FGD5: variants seen among roughly 807,000 people sequenced by gnomAD.
FGD5 encodes the protein FYVE, RhoGEF and PH domain-containing protein 5.
A neutral mutation model predicts 133.4 loss-of-function variants in FGD5; 28 were observed. That is an observed-to-expected ratio of 0.21 (90% CI 0.16 to 0.29). FGD5 has a LOEUF of 0.29. Among genes scored for constraint, FGD5 ranks in the 10% least tolerant of loss-of-function variants. The pLI, the probability that FGD5 is intolerant of heterozygous loss-of-function variation, is 1.00. For synonymous variants in FGD5, 810 were observed against 776.5 expected (o/e 1.04, Z -0.72); for missense variants, 1,858 against 1,895.2 (o/e 0.98, Z 0.36).
chr3:14,932,952 C>A (rs1260920125), intron 19 of FGD5, among the ~76,000 whole-genome samples, 179 bp from the exon 20 acceptor site: 1 of 152,136 alleles, frequency 6.6e-6, no homozygotes, highest in African/African-American at 2.4e-5. Flanking sequence ...TAAGCTTTTG[C>A]CCTGTGTTCC....
intron 2 of FGD5, among the ~76,000 whole-genome samples, chr3:14,880,366 T>C (rs971088439): frequency 2.0e-5 from 3 of 152,048 alleles, no homozygotes; most frequent in Non-Finnish European, 1.5e-5. Context: ...ATAAAATAAA[T>C]ACATTTTTAA....
intron 1 of FGD5, among the ~76,000 whole-genome samples, chr3:14,858,852 T>G (rs2037340762): frequency 6.6e-6 from 1 of 152,238 alleles, no homozygotes; most frequent in African/African-American, 2.4e-5. Flanking sequence ...GAGGTTAACA[T>G]GTATCTGTCA....
chr3:14,813,687 G>A (rs918103965), intron 1 of FGD5, among the ~76,000 whole-genome samples: 2 of 152,054 alleles, frequency 1.3e-5, no homozygotes, highest in Non-Finnish European at 2.9e-5. Context: ...TGGGGAAGCC[G>A]AGGCCCGAAA....
chr3:14,876,164 C>G (rs1316212253), intron 2 of FGD5, among the ~76,000 whole-genome samples: 3 of 152,132 alleles, frequency 2.0e-5, no homozygotes, highest in African/African-American at 7.2e-5. Flanking sequence ...ACTTGGGGAC[C>G]ATCCTGAGGG....
intron 18 of FGD5, 184 bp from the exon 19 acceptor site, chr3:14,932,389 GTTTC>G (rs2038913867): frequency 1.3e-5 from 8 of 605,808 alleles, no homozygotes; most frequent in Non-Finnish European, 1.9e-5. Flanking sequence ...AGCCAGTGTC[GTTTC>G]TTTCCTTCCT....
chr3:14,915,748 T>C (rs1450215120), intron 11 of FGD5, among the ~76,000 whole-genome samples: 1 of 152,196 alleles, frequency 6.6e-6, no homozygotes, highest in Non-Finnish European at 1.5e-5. Context: ...TGCACAGGGC[T>C]CTCCCTGGTT....
At chr3:14,912,539 G>GT (rs888969926) in intron 11 of FGD5, among the ~76,000 whole-genome samples, 17 of 151,988 alleles carry the variant, frequency 1.1e-4, no homozygotes, top group South Asian at 4.2e-4. Context: ...TCTCTAGGTC[G>GT]TTTTTTTTAA....
At chr3:14,898,862 G>A (rs1486244725) in intron 7 of FGD5, 36 bp downstream of exon 7, 1 of 1,541,418 alleles carries the variant, frequency 6.5e-7, no homozygotes, top group South Asian at 1.2e-5. Flanking sequence ...GACTGAGGCG[G>A]CAGGGCAGGG....
At position 14,922,587 on chromosome 3, in the gene FGD5, TG is replaced by T; in HGVS notation, c.3807+43del. The T allele has an allele frequency of 7.4e-7, 1 of 1,349,676 alleles. No homozygotes were observed. The allele number at this position is 1,349,676 out of a possible 1,614,324, so 83.6% of individuals were successfully genotyped here. On this transcript the variant is annotated intron_variant, in intron 15 of 19. Transcript: ENST00000285046. This position sits in a 1 kb window ranked among gnomAD's most constrained non-coding sequence, Gnocchi z 4.1. ...TCTGGGGTGAGTGTGTGCATGGGGG[TG>T]GGGTGGGGGAAGGGCATGTCCCTGC...
chr3:14,840,863 TC>T (rs1169417160), intron 1 of FGD5, among the ~76,000 whole-genome samples: 1 of 152,216 alleles, frequency 6.6e-6, no homozygotes, highest in Non-Finnish European at 1.5e-5. Flanking sequence ...GTGCACAAGA[TC>T]TCTTGCTTAT....
At chr3:14,908,619 G>A (rs1356895232) in intron 10 of FGD5, among the ~76,000 whole-genome samples, 1 of 152,090 alleles carries the variant, frequency 6.6e-6, no homozygotes, top group Non-Finnish European at 1.5e-5. Flanking sequence ...GGGTGTGGTG[G>A]CTCATGCCTG....
intron 4 of FGD5, among the ~76,000 whole-genome samples, chr3:14,895,447 T>C (rs2038118233): frequency 6.6e-6 from 1 of 152,210 alleles, no homozygotes; most frequent in Admixed American, 6.5e-5. Context: ...CCGAGCACCA[T>C]TTATGGAAGA....
At chr3:14,845,154 G>A (rs1279910152) in intron 1 of FGD5, among the ~76,000 whole-genome samples, 1 of 152,030 alleles carries the variant, frequency 6.6e-6, no homozygotes, top group Non-Finnish European at 1.5e-5. Flanking sequence ...TAAAAAAAAA[G>A]CCCTGATGCC....
rs117157349 is a variant in FGD5, at chr3:14,842,394, C to A, written c.2525+20798C>A. Among the ~76,000 whole-genome samples the A allele has an allele frequency of 1.6e-4, 25 of 152,312 alleles. No individual in the cohort carries two copies. In the East Asian group the frequency reaches 4.8e-3, roughly 29 times the overall value. ...GATCCCCACCCCTGTGCATCTCAGG[C>A]TTGGGAGGGTGCACACTCCCTTTCC... On this transcript the variant is annotated intron_variant, in intron 1 of 19. Transcript: ENST00000285046.
intron 18 of FGD5, among the ~76,000 whole-genome samples, chr3:14,928,755 T>C (rs569914419): frequency 2.1e-4 from 32 of 152,182 alleles, no homozygotes; most frequent in African/African-American, 7.7e-4. Flanking sequence ...AAAATAATAA[T>C]AATAATTTTA....
At chr3:14,906,371 G>A (rs1043196813) in intron 9 of FGD5, among the ~76,000 whole-genome samples, 5 of 152,234 alleles carry the variant, frequency 3.3e-5, no homozygotes, top group Non-Finnish European at 7.3e-5. Flanking sequence ...AGGTATTGGT[G>A]CACAGTACTG....
chr3:14,854,270 A>G (rs11716533), intron 1 of FGD5, among the ~76,000 whole-genome samples: 13,436 of 152,200 alleles, frequency 0.088, 778 homozygotes, highest in East Asian at 0.31. Context: ...CTCTCCAGGT[A>G]AACTTATTGA....
chr3:14,820,402 A>G lies in FGD5; in HGVS notation c.1331A>G (p.Glu444Gly). ...VGLPGQAAPG[E>G]GGQAASDALG... Reference sequence around the variant, plus strand: ...CTGCCCGGTCAGGCGGCCCCTGGAGAAGGAGGGCAGGCTGCATCGGACGCC... The same window carrying G: ...CTGCCCGGTCAGGCGGCCCCTGGAGGAGGAGGGCAGGCTGCATCGGACGCC... The change falls in exon 1 of 20, where the codon GAA becomes GGA. Residue 444 changes from glutamate (E) to glycine (G), a missense_variant. Glu to Gly is a moderately conservative substitution (Grantham distance 98). Coordinates refer to ENST00000285046, the MANE Select transcript of FGD5 (RefSeq NM_152536.4). 1 of 1,613,796 alleles carries G rather than the reference A, an allele frequency of 6.2e-7. No homozygotes were observed. Among genetic ancestry groups the G allele is most frequent in the East Asian group, 2.2e-5 (1 of 44,864 alleles).
At chr3:14,906,979 C>T (rs187143265) in intron 9 of FGD5, among the ~76,000 whole-genome samples, 286 of 152,350 alleles carry the variant, frequency 1.9e-3, no homozygotes, top group Admixed American at 2.1e-3. Flanking sequence ...TTTTTTACTA[C>T]ATAGGATTTT....
Sources: gnomAD v4.1 joint callset for allele counts (sites outside exome capture counted in the v4.1 genomes callset) on GRCh38, gnomAD v4.1.1 for gene constraint, Gnocchi (gnomAD v3.1) non-coding constraint, MANE v1.5 for transcripts, NCBI Gene and HGNC (gene_info 2026-07-23, HGNC 2026-07-21) for gene names.